GRIN2A: variants seen among roughly 807,000 people sequenced by gnomAD.
GRIN2A encodes glutamate receptor ionotropic, NMDA 2A.
GRIN2A carries 22 observed loss-of-function variants against 113.4 expected under a neutral mutation model. The ratio of observed to expected loss-of-function variants is 0.19; its 90% CI spans 0.14 to 0.28. The LOEUF is 0.28. Ranked by LOEUF, GRIN2A falls within the 10% of genes least tolerant of loss-of-function variation. GRIN2A has a pLI of 1.00. For missense variants in GRIN2A, 1,502 were observed against 1,887.0 expected (o/e 0.80, Z 3.78); for synonymous variants, 827 against 738.4 (o/e 1.12, Z -1.94).
rs2141149750 is a variant in GRIN2A at position 9,768,886 on chromosome 16, A to G, written c.2560T>C (p.Ser854Pro). 1 of 1,614,168 alleles carries G rather than the reference A, an allele frequency of 6.2e-7. No individual in the cohort carries two copies. The highest frequency in any genetic ancestry group is 8.5e-7 in the Non-Finnish European group (1 of 1,179,994). Residue 854 changes from serine to proline, a missense_variant, in exon 12 of 13, where the codon TCC (serine) becomes CCC (proline). Physicochemically the swap from Ser to Pro is moderately conservative, Grantham distance 74. Around this residue, in one of 7 missense-constraint regions of GRIN2A, gnomAD observed 832 missense variants for 789.7 expected, o/e 1.05. Coordinates refer to ENST00000330684, the MANE Select transcript of GRIN2A (RefSeq NM_001134407.3). ...KLRFCFTGVC[S>P]DRPGLLFSIS... ...GAGAAGAGCAACCCAGGCCGGTCGGAGCACACGCCCGTGAAACAGAAGCGC... is the reference window on the plus strand; with the variant it reads ...GAGAAGAGCAACCCAGGCCGGTCGGGGCACACGCCCGTGAAACAGAAGCGC...
At chr16:9,866,358 C>T (rs538031717) in intron 4 of GRIN2A, among the ~76,000 whole-genome samples, 2 of 152,052 alleles carry the variant, frequency 1.3e-5, no homozygotes, top group Non-Finnish European at 2.9e-5. Flanking sequence ...GATCAGAGAA[C>T]AGCATGCACA....
At chr16:9,846,751 G>A (rs529099413) in intron 5 of GRIN2A, among the ~76,000 whole-genome samples, 10 of 152,166 alleles carry the variant, frequency 6.6e-5, no homozygotes, top group African/African-American at 4.8e-5. Flanking sequence ...GCTTGGGGAC[G>A]CAGGAGCTAC....
At chr16:9,850,101 TGCTAAGACAAACGG>T (rs2042856935) in intron 4 of GRIN2A, 140 bp from the exon 5 acceptor site, 6 of 751,358 alleles carry the variant, frequency 8.0e-6, no homozygotes, top group Non-Finnish European at 1.4e-5. Flanking sequence ...TCTACTTCTG[TGCTAAGACAAACGG>T]GCATAAAGAG....
chr16:9,821,546 A>C (rs766591526), intron 10 of GRIN2A, among the ~76,000 whole-genome samples: 3 of 152,178 alleles, frequency 2.0e-5, no homozygotes, highest in Non-Finnish European at 4.4e-5. Context: ...AATAAATAAC[A>C]ACACTCACAT....
At chr16:10,149,766 T>C (rs747121622) in intron 2 of GRIN2A, among the ~76,000 whole-genome samples, 16 of 152,188 alleles carry the variant, frequency 1.1e-4, no homozygotes, top group Non-Finnish European at 2.1e-4. Context: ...ACTCCTACTA[T>C]CCATGCAGCA....
intron 3 of GRIN2A, among the ~76,000 whole-genome samples, chr16:9,919,848 A>G (rs1459406781): frequency 1.3e-5 from 2 of 152,134 alleles, no homozygotes; most frequent in East Asian, 1.9e-4. Flanking sequence ...GCAATTTCCC[A>G]GTTCCAGGTC....
chr16:10,046,325 A>T (rs1372089479), intron 2 of GRIN2A, among the ~76,000 whole-genome samples: 3 of 118,322 alleles, frequency 2.5e-5, no homozygotes, highest in Non-Finnish European at 5.2e-5. Context: ...ACATTTTTAA[A>T]TTGTTTTTTT....
At chr16:10,057,916 GA>G (rs1327628169) in intron 2 of GRIN2A, among the ~76,000 whole-genome samples, 1 of 152,172 alleles carries the variant, frequency 6.6e-6, no homozygotes, top group East Asian at 1.9e-4. Flanking sequence ...GCAGGCTGGT[GA>G]AGCCTTCAAA....
intron 2 of GRIN2A, among the ~76,000 whole-genome samples, chr16:10,141,314 C>A (rs941721535): frequency 1.3e-5 from 2 of 151,824 alleles, no homozygotes; most frequent in African/African-American, 2.4e-5. Flanking sequence ...TATGGTGAAA[C>A]CCTGTCTCTA....
chr16:10,012,227 A>G (rs2046519755), intron 2 of GRIN2A, among the ~76,000 whole-genome samples: 1 of 152,240 alleles, frequency 6.6e-6, no homozygotes, highest in South Asian at 2.1e-4. Flanking sequence ...TACAGAACAG[A>G]GCACAGATTC....
chr16:9,838,520 A>C (rs752491249), intron 7 of GRIN2A, among the ~76,000 whole-genome samples: 5 of 152,228 alleles, frequency 3.3e-5, no homozygotes, highest in Non-Finnish European at 5.9e-5. Context: ...ACTGGAGGCC[A>C]TCATTCTAAA....
At chr16:9,960,731 C>T (rs1343408300) in intron 2 of GRIN2A, among the ~76,000 whole-genome samples, 1 of 152,134 alleles carries the variant, frequency 6.6e-6, no homozygotes, top group Non-Finnish European at 1.5e-5. Flanking sequence ...CTCAAACCAT[C>T]CTCCCACCTC....
At chr16:10,112,323 A>C in intron 2 of GRIN2A, 1 of 647,246 alleles carries the variant, frequency 1.5e-6, no homozygotes, top group Non-Finnish European at 2.8e-6. Context: ...CCTGATTGAC[A>C]CTGGTGTGGA....
intron 8 of GRIN2A, among the ~76,000 whole-genome samples, chr16:9,833,183 G>T (rs947704298): frequency 1.3e-5 from 2 of 152,076 alleles, no homozygotes; most frequent in South Asian, 2.1e-4. Flanking sequence ...GGCTAGAGTG[G>T]GATCCTTTTA....
intron 2 of GRIN2A, among the ~76,000 whole-genome samples, chr16:10,150,942 G>C (rs1395361355): frequency 6.6e-6 from 1 of 152,130 alleles, no homozygotes; most frequent in African/African-American, 2.4e-5. Context: ...CTGACACATG[G>C]TAGATACTAA....
intron 3 of GRIN2A, among the ~76,000 whole-genome samples, chr16:9,902,248 A>G (rs1269204707): frequency 6.6e-6 from 1 of 152,218 alleles, no homozygotes; most frequent in African/African-American, 2.4e-5. Flanking sequence ...ATAGGAAGAC[A>G]GAAGGTATGA....
At chr16:10,164,002 C>G (rs1332637655) in intron 2 of GRIN2A, among the ~76,000 whole-genome samples, 2 of 152,184 alleles carry the variant, frequency 1.3e-5, no homozygotes. Context: ...TGGCTTAAGG[C>G]AACCTAATCC....
chr16:10,077,025 C>T (rs964460617), intron 2 of GRIN2A, among the ~76,000 whole-genome samples: 1 of 152,164 alleles, frequency 6.6e-6, no homozygotes, highest in African/African-American at 2.4e-5. Context: ...CCTTTCCTGG[C>T]TTTGGGTAGA....
At chr16:10,058,246 A>G (rs1315490515) in intron 2 of GRIN2A, among the ~76,000 whole-genome samples, 2 of 151,936 alleles carry the variant, frequency 1.3e-5, no homozygotes, top group African/African-American at 2.4e-5. Context: ...AGAGCTAGAC[A>G]CTGTCTCAAA....
Sources: gnomAD v4.1 joint callset for allele counts (sites outside exome capture counted in the v4.1 genomes callset) on GRCh38, gnomAD v4.1.1 for gene constraint, gnomAD v4.1.1 regional missense constraint, MANE v1.5 for transcripts, NCBI Gene and HGNC (gene_info 2026-07-23, HGNC 2026-07-21) for gene names.